The following RANBP2 variants were observed in gnomAD, a reference collection of about 807,000 sequenced individuals.
The protein encoded by RANBP2 is E3 SUMO-protein ligase RanBP2.
RANBP2 carries 57 observed loss-of-function variants against 303.6 expected under a neutral mutation model. That is an observed-to-expected ratio of 0.19 (90% CI 0.15 to 0.23). The LOEUF (loss-of-function observed/expected upper bound fraction) is 0.23. Among genes scored for constraint, RANBP2 ranks in the 10% least tolerant of loss-of-function variants. The probability of loss-of-function intolerance (pLI) is 1.00; values close to 1 mark genes in which losing one functional copy is unlikely to be tolerated. For missense variants in RANBP2, 3,138 were observed against 3,780.8 expected (o/e 0.83, Z 4.46); for synonymous variants, 1,167 against 1,301.5 (o/e 0.90, Z 2.23).
chr2:109,336,547 A>G, the RANBP2 span, among the ~76,000 whole-genome samples: 13 of 152,182 alleles, frequency 8.5e-5, no homozygotes, highest in Non-Finnish European at 1.8e-4. Flanking sequence ...TCTTGAAGGA[A>G]CCAGTTTCCA....
chr2:108,815,100 G>A, the RANBP2 span, among the ~76,000 whole-genome samples: 1 of 151,624 alleles, frequency 6.6e-6, no homozygotes, highest in Non-Finnish European at 1.5e-5. Flanking sequence ...TTTCATTTTG[G>A]TAGGCTGTCA....
the RANBP2 span, among the ~76,000 whole-genome samples, chr2:109,695,250 C>T: frequency 2.0e-5 from 3 of 152,124 alleles, no homozygotes; most frequent in African/African-American, 7.2e-5. Flanking sequence ...AAAACCCTTC[C>T]AGATAATTCC....
At chr2:109,548,601 C>G in the RANBP2 span, among the ~76,000 whole-genome samples, 2 of 151,908 alleles carry the variant, frequency 1.3e-5, no homozygotes, top group African/African-American at 4.8e-5. Context: ...CACGGGGAAA[C>G]CCCGTCTCTA....
chr2:109,388,100 C>A, the RANBP2 span, among the ~76,000 whole-genome samples: 1 of 152,210 alleles, frequency 6.6e-6, no homozygotes, highest in African/African-American at 2.4e-5. Flanking sequence ...CATGCACACA[C>A]ATTCACCATC....
intron 9 of RANBP2, among the ~76,000 whole-genome samples, chr2:108,750,652 A>G (rs550899888): frequency 2.7e-3 from 411 of 151,498 alleles, no homozygotes; most frequent in Middle Eastern, 6.8e-3. Flanking sequence ...CAGTGGCGCA[A>G]TCTCGGCTCA....
At chr2:108,796,322 G>A in the RANBP2 span, among the ~76,000 whole-genome samples, 1 of 152,052 alleles carries the variant, frequency 6.6e-6, no homozygotes. Context: ...CCAAAGTGCT[G>A]GGATTACAGG....
At chr2:109,641,359 A>G in the RANBP2 span, among the ~76,000 whole-genome samples, 1 of 152,206 alleles carries the variant, frequency 6.6e-6, no homozygotes, top group Non-Finnish European at 1.5e-5. Flanking sequence ...AAATGGATGG[A>G]TGAACGGATA....
chr2:109,733,179 TGAA>T, the RANBP2 span: 2 of 146,200 alleles, frequency 1.4e-5, no homozygotes, highest in Non-Finnish European at 1.5e-5. Flanking sequence ...CTAGGTCAAA[TGAA>T]AAAAAAAAAA....
the RANBP2 span, chr2:109,371,464 T>C: frequency 1.1e-5 from 8 of 713,020 alleles, no homozygotes; most frequent in Non-Finnish European, 2.0e-5. Flanking sequence ...GATAATGCAC[T>C]CTTCTTGAAC....
the RANBP2 span, among the ~76,000 whole-genome samples, chr2:109,209,645 A>G: frequency 6.6e-6 from 1 of 152,126 alleles, no homozygotes; most frequent in East Asian, 1.9e-4. Context: ...AACGCTGTGA[A>G]TCAGTCGACT....
the RANBP2 span, among the ~76,000 whole-genome samples, chr2:108,827,302 C>T: frequency 6.6e-6 from 1 of 151,952 alleles, no homozygotes; most frequent in African/African-American, 2.4e-5. Context: ...CCAAATACAT[C>T]AATATCTAAT....
At chr2:109,608,124 T>C in the RANBP2 span, among the ~76,000 whole-genome samples, 4 of 152,216 alleles carry the variant, frequency 2.6e-5, no homozygotes, top group African/African-American at 9.6e-5. Flanking sequence ...AAAAGCAGCT[T>C]TTTATTTTAA....
At chr2:109,329,774 T>C in the RANBP2 span, among the ~76,000 whole-genome samples, 4 of 152,248 alleles carry the variant, frequency 2.6e-5, no homozygotes, top group Non-Finnish European at 5.9e-5. Flanking sequence ...ATGCCTTTTC[T>C]TACATAGGCC....
the RANBP2 span, among the ~76,000 whole-genome samples, chr2:109,536,838 G>A: frequency 6.7e-4 from 102 of 152,238 alleles, 1 homozygote; most frequent in African/African-American, 2.4e-3. Context: ...TAAGTGTCAC[G>A]AGATCTGATG....
At chr2:109,471,581 A>G in the RANBP2 span, among the ~76,000 whole-genome samples, 1 of 152,166 alleles carries the variant, frequency 6.6e-6, no homozygotes, top group African/African-American at 2.4e-5. Flanking sequence ...CAGTGGCAAA[A>G]TTCATCATTG....
At chr2:108,935,424 T>G in the RANBP2 span, among the ~76,000 whole-genome samples, 8 of 152,356 alleles carry the variant, frequency 5.3e-5, no homozygotes, top group East Asian at 1.5e-3. Context: ...GGATCTGCTT[T>G]TCAACCAGAT....
At chr2:109,637,292 T>G in the RANBP2 span, among the ~76,000 whole-genome samples, 1 of 152,216 alleles carries the variant, frequency 6.6e-6, no homozygotes. Flanking sequence ...ATTGAACAAA[T>G]GTACAATCGG....
chr2:109,170,576 C>G, the RANBP2 span, among the ~76,000 whole-genome samples: 1 of 152,076 alleles, frequency 6.6e-6, no homozygotes, highest in African/African-American at 2.4e-5. Context: ...GATCTCCTGA[C>G]CTCAACCTCG....
At chr2:109,004,488 G>A in the RANBP2 span, among the ~76,000 whole-genome samples, 1 of 152,220 alleles carries the variant, frequency 6.6e-6, no homozygotes. Flanking sequence ...TGCTTCAGGT[G>A]TTCTTGTGCC....
Sources: gnomAD v4.1 joint callset for allele counts (sites outside exome capture counted in the v4.1 genomes callset) on GRCh38, gnomAD v4.1.1 for gene constraint, MANE v1.5 for transcripts, NCBI Gene and HGNC (gene_info 2026-07-23, HGNC 2026-07-21) for gene names.